The following AGMO variants were observed in gnomAD, a reference collection of about 807,000 sequenced individuals.
AGMO encodes the protein glyceryl-ether monooxygenase.
In AGMO, 75 loss-of-function variants were observed where a neutral mutation model predicts 60.2. That is an observed-to-expected ratio of 1.25 (90% confidence interval 1.03 to 1.51). The LOEUF is 1.51. Among genes scored for constraint, AGMO ranks in the 40% most tolerant of loss-of-function variants. The pLI is 0.00. For synonymous variants in AGMO, 261 were observed against 177.1 expected (o/e 1.47, Z -3.76); for missense variants, 763 against 525.5 (o/e 1.45, Z -4.42).
chr7:15,190,669 T>G, the AGMO span, among the ~76,000 whole-genome samples: 1 of 152,150 alleles, frequency 6.6e-6, no homozygotes, highest in Non-Finnish European at 1.5e-5. Context: ...TACTATGAAA[T>G]AAAACCTTAT....
rs1299275233 is a variant in AGMO, at chr7:15,322,597, T to C, written c.1263+42917A>G. 1.3e-3 allele frequency among the ~76,000 whole-genome samples: 78 copies of C among 58,026 alleles called. 9 individuals are homozygous for C. Among genetic ancestry groups the C allele is most frequent in the Non-Finnish European group, 2.0e-3 (73 of 36,802 alleles). The allele number at this position is 58,026 out of a possible 152,430, so 38.1% of individuals were successfully genotyped here. On this transcript the variant is annotated intron_variant, in intron 12 of 12. Coordinates refer to ENST00000342526, the MANE Select transcript of AGMO (RefSeq NM_001004320.2). Reference sequence around the variant, plus strand: ...ATAAATATATATAAATATATAAATATATATAAATATATATAAATATATAAA... The same window carrying C: ...ATAAATATATATAAATATATAAATACATATAAATATATATAAATATATAAA...
At chr7:15,353,582 TTTTA>T (rs1440420490) in intron 12 of AGMO, among the ~76,000 whole-genome samples, 1 of 152,232 alleles carries the variant, frequency 6.6e-6, no homozygotes, top group Non-Finnish European at 1.5e-5. Flanking sequence ...TAAAATACTT[TTTTA>T]AAAAACTCAG....
chr7:15,341,631 T>C (rs1781851022), intron 12 of AGMO, among the ~76,000 whole-genome samples: 1 of 152,176 alleles, frequency 6.6e-6, no homozygotes, highest in Non-Finnish European at 1.5e-5. Context: ...CAGGTACTTT[T>C]ACAGCAGCAC....
In AGMO at chr7:15,433,034, T is replaced by C. The variant is rs182506845; in HGVS notation, c.410-1926A>G. On this transcript the variant is annotated intron_variant, in intron 3 of 12. Coordinates refer to ENST00000342526, the MANE Select transcript of AGMO (RefSeq NM_001004320.2). ...TTAGAACATACCCACTGCTGAACAT[T>C]TTATAACTTATGATTTTATAACTTA... is the stretch of plus-strand genomic sequence containing the variant. Among the ~76,000 whole-genome samples the C allele has an allele frequency of 3.9e-3, 596 of 152,216 alleles. 2 individuals are homozygous for C. Among genetic ancestry groups the C allele is most frequent in the Non-Finnish European group, 7.2e-3 (489 of 67,962 alleles).
the AGMO span, among the ~76,000 whole-genome samples, chr7:15,120,939 A>G: frequency 6.6e-6 from 1 of 151,984 alleles, no homozygotes; most frequent in African/African-American, 2.4e-5. Flanking sequence ...CCCTGCATGC[A>G]TTAGGTATTT....
At chr7:15,510,567 T>C (rs1783644992) in intron 3 of AGMO, among the ~76,000 whole-genome samples, 1 of 149,896 alleles carries the variant, frequency 6.7e-6, no homozygotes, top group African/African-American at 2.4e-5. Context: ...ATGTCATATA[T>C]GTGATATATA....
At chr7:15,395,095 ATAT>A (rs1331231800) in intron 5 of AGMO, among the ~76,000 whole-genome samples, 1 of 152,214 alleles carries the variant, frequency 6.6e-6, no homozygotes, top group African/African-American at 2.4e-5. Context: ...AGATACCAAG[ATAT>A]TTTACTTTTC....
intron 10 of AGMO, among the ~76,000 whole-genome samples, chr7:15,382,390 A>G (rs1380213604): frequency 6.6e-6 from 1 of 152,170 alleles, no homozygotes; most frequent in Non-Finnish European, 1.5e-5. Flanking sequence ...CCTGAGGGCA[A>G]GAATTATACT....
the AGMO span, among the ~76,000 whole-genome samples, chr7:15,147,197 C>G: frequency 6.6e-6 from 1 of 151,940 alleles, no homozygotes; most frequent in East Asian, 1.9e-4. Flanking sequence ...TCAATGGCAC[C>G]CTCCTGTCTT....
At chr7:15,200,274 A>C (rs1781241965), downstream of AGMO, 1 of 152,144 alleles carries the variant, frequency 6.6e-6, no homozygotes, top group African/African-American at 2.4e-5. Context: ...CTAACGAAAC[A>C]CTTGGTGGAT....
At chr7:15,379,194 T>C (rs181082571) in intron 10 of AGMO, among the ~76,000 whole-genome samples, 339 of 152,028 alleles carry the variant, frequency 2.2e-3, no homozygotes, top group Middle Eastern at 3.4e-3. Context: ...CACAACCTAG[T>C]ATCACGACTA....
At chr7:15,292,710 G>A (rs1423771182) in intron 12 of AGMO, among the ~76,000 whole-genome samples, 2 of 146,076 alleles carry the variant, frequency 1.4e-5, no homozygotes, top group East Asian at 4.0e-4. Context: ...GAATCTCTGA[G>A]TCTCCAGCCT....
intron 3 of AGMO, among the ~76,000 whole-genome samples, chr7:15,497,102 C>T (rs1028307188): frequency 2.6e-5 from 4 of 152,148 alleles, no homozygotes; most frequent in African/African-American, 9.6e-5. Context: ...CTGGAGCCCT[C>T]ACCGTAGTTC....
intron 12 of AGMO, among the ~76,000 whole-genome samples, chr7:15,327,208 G>C (rs899062240): frequency 1.3e-5 from 2 of 152,012 alleles, no homozygotes; most frequent in Non-Finnish European, 2.9e-5. Flanking sequence ...AATGTTTTTG[G>C]ACTCATCTAC....
chr7:15,465,139 G>A (rs1184260915), intron 3 of AGMO, among the ~76,000 whole-genome samples: 1 of 151,942 alleles, frequency 6.6e-6, no homozygotes, highest in African/African-American at 2.4e-5. Flanking sequence ...GTTTGGTTTT[G>A]TTTTTGAGTA....
chr7:15,326,018 T>C (rs1047616715), intron 12 of AGMO, among the ~76,000 whole-genome samples: 3 of 152,120 alleles, frequency 2.0e-5, no homozygotes, highest in Admixed American at 1.3e-4. Flanking sequence ...TAAGCCAAGT[T>C]TTATAAAGCA....
intron 4 of AGMO, 115 bp from the exon 5 acceptor site, chr7:15,418,768 C>A: frequency 1.6e-6 from 1 of 643,588 alleles, no homozygotes; most frequent in Admixed American, 3.7e-5. Context: ...ATACTATATA[C>A]TGTATATTTT....
chr7:15,265,312 G>C (rs1400425282), intron 12 of AGMO, among the ~76,000 whole-genome samples: 1 of 151,884 alleles, frequency 6.6e-6, no homozygotes, highest in African/African-American at 2.4e-5. Context: ...GAGAAGTGTG[G>C]GCTAAAGAAC....
At chr7:15,254,013 G>A (rs1783022808) in intron 12 of AGMO, among the ~76,000 whole-genome samples, 1 of 151,812 alleles carries the variant, frequency 6.6e-6, no homozygotes, top group Non-Finnish European at 1.5e-5. Context: ...TATCATCCAT[G>A]TAGTCACAAA....
Sources: gnomAD v4.1 joint callset for allele counts (sites outside exome capture counted in the v4.1 genomes callset) on GRCh38, gnomAD v4.1.1 for gene constraint, MANE v1.5 for transcripts, NCBI Gene and HGNC (gene_info 2026-07-23, HGNC 2026-07-21) for gene names.